The following MAP2K2 variants were observed in gnomAD, a reference collection of about 807,000 sequenced individuals.
MAP2K2 encodes the protein dual specificity mitogen-activated protein kinase kinase 2.
Under a neutral mutation model 43.7 loss-of-function variants are expected in MAP2K2, and 24 were observed. That is an observed-to-expected ratio of 0.55 (90% CI 0.40 to 0.77). The LOEUF (loss-of-function observed/expected upper bound fraction) is 0.77. Among genes scored for constraint, MAP2K2 ranks in the 30% least tolerant of loss-of-function variants. MAP2K2 has a pLI of 0.00. For synonymous variants in MAP2K2, 244 were observed against 239.7 expected (o/e 1.02, Z -0.17); for missense variants, 470 against 566.8 (o/e 0.83, Z 1.73).
chr19:4,106,011 A>T (rs777810438), intron 3 of MAP2K2, among the ~76,000 whole-genome samples: 5 of 152,200 alleles, frequency 3.3e-5, no homozygotes, highest in Non-Finnish European at 5.9e-5. Flanking sequence ...TCTCTTGCCC[A>T]GGCTGTAGAG....
chr19:4,114,601 G>A (rs2041197591), intron 2 of MAP2K2, among the ~76,000 whole-genome samples: 1 of 152,214 alleles, frequency 6.6e-6, no homozygotes, highest in African/African-American at 2.4e-5. Context: ...ATGGGAGAGG[G>A]GTCAGAGGCC....
chr19:4,110,439 G>A (rs1599300097), intron 3 of MAP2K2, 70 bp downstream of exon 3: 22 of 1,587,144 alleles, frequency 1.4e-5, no homozygotes, highest in East Asian at 2.2e-5. Context: ...CCGTGAGGGG[G>A]TCTTCCTTCT....
At chr19:4,104,265 TAA>T (rs565822542) in intron 3 of MAP2K2, among the ~76,000 whole-genome samples, 30 of 97,292 alleles carry the variant, frequency 3.1e-4, no homozygotes, top group Admixed American at 3.3e-4. Flanking sequence ...ACTCCTCAAT[TAA>T]AAAAAAAAAA....
chr19:4,090,786 TGGCAGATGGTACG>T, intron 10 of MAP2K2, 78 bp from the exon 11 acceptor site: 1 of 950,624 alleles, frequency 1.1e-6, no homozygotes, highest in Non-Finnish European at 1.7e-6. Flanking sequence ...TGCCCAGCCC[TGGCAGATGGTACG>T]GGACAGAAAG....
intron 3 of MAP2K2, among the ~76,000 whole-genome samples, chr19:4,105,660 T>C (rs1181257509): frequency 2.0e-5 from 3 of 152,124 alleles, no homozygotes; most frequent in African/African-American, 4.8e-5. Context: ...GTGTGACTTA[T>C]ATTGTTCCAG....
chr19:4,094,556 A>G, intron 9 of MAP2K2, 58 bp from the exon 10 acceptor site: 1 of 1,534,368 alleles, frequency 6.5e-7, no homozygotes, highest in African/African-American at 1.4e-5. Flanking sequence ...CAGGGCAGTC[A>G]GCTGGTGGCC....
chr19:4,113,792 G>A (rs573980509), intron 2 of MAP2K2, among the ~76,000 whole-genome samples: 32 of 152,308 alleles, frequency 2.1e-4, no homozygotes, highest in Admixed American at 1.8e-3. Flanking sequence ...TAGGAAAAGA[G>A]AGGAAAGAGC....
Position 4,101,951 on chromosome 19 carries a change from G to C in MAP2K2, c.528+425C>G. ...TACGGAGCAGCTGTGCTGGAGACCGGGCAGCAGAGACGCCCTTGGCCCCGG... is the reference window on the plus strand; with the variant it reads ...TACGGAGCAGCTGTGCTGGAGACCGCGCAGCAGAGACGCCCTTGGCCCCGG... On this transcript the variant is annotated intron_variant, in intron 4 of 10. Coordinates refer to ENST00000262948, the MANE Select transcript of MAP2K2 (RefSeq NM_030662.4). This position sits in a 1 kb window ranked among gnomAD's most constrained non-coding sequence, Gnocchi z 6.3. Among the ~76,000 whole-genome samples, 1 of 152,166 alleles carries C rather than the reference G, an allele frequency of 6.6e-6. No homozygotes were observed. Among genetic ancestry groups the C allele is most frequent in the Non-Finnish European group, 1.5e-5 (1 of 68,028 alleles).
At chr19:4,091,312 A>T (rs1416700762) in intron 10 of MAP2K2, among the ~76,000 whole-genome samples, 1 of 152,054 alleles carries the variant, frequency 6.6e-6, no homozygotes, top group Non-Finnish European at 1.5e-5. Context: ...CAAAAGCCTC[A>T]ATTTTATTTC....
chr19:4,117,210 A>G (rs906304111), intron 2 of MAP2K2, among the ~76,000 whole-genome samples: 5 of 152,186 alleles, frequency 3.3e-5, no homozygotes, highest in African/African-American at 7.2e-5. Flanking sequence ...ACTGGAGGGC[A>G]CAGCTGTGTG....
At chr19:4,094,945 T>G in intron 9 of MAP2K2, 1 of 352,306 alleles carries the variant, frequency 2.8e-6, no homozygotes, top group Non-Finnish European at 5.3e-6. Flanking sequence ...CCGCAGCTCC[T>G]TCCCCGTGGT....
intron 3 of MAP2K2, among the ~76,000 whole-genome samples, chr19:4,109,802 C>G (rs950188094): frequency 2.0e-5 from 3 of 152,102 alleles, no homozygotes; most frequent in African/African-American, 7.2e-5. Flanking sequence ...TTAATTGCAT[C>G]TACCCTGGAA....
At chr19:4,114,615 G>A (rs1021305103) in intron 2 of MAP2K2, among the ~76,000 whole-genome samples, 5 of 152,200 alleles carry the variant, frequency 3.3e-5, no homozygotes, top group Admixed American at 6.5e-5. Context: ...AGAGGCCACG[G>A]TCAAGCCAAA....
At position 4,090,504 on chromosome 19, in the gene MAP2K2, G is replaced by C. The variant is rs1162395624; in HGVS notation, c.*94C>G. 9.3e-7 allele frequency: 1 copy of C among 1,079,524 alleles called. No individual in the cohort carries two copies. Among genetic ancestry groups the C allele is most frequent in the African/African-American group, 1.6e-5 (1 of 64,034 alleles). The allele number at this position is 1,079,524 out of a possible 1,614,324, so 66.9% of individuals were successfully genotyped here. The stretch of plus-strand genomic sequence containing the variant: ...TCCGCAGGGGTGAGGCAGGAGGGTG[G>C]GTGGAGGCGCCAGCCTGTCCTCAGC... On this transcript the variant is annotated 3_prime_UTR_variant, in exon 11 of 11. Coordinates refer to ENST00000262948, the MANE Select transcript of MAP2K2 (RefSeq NM_030662.4).
In MAP2K2 at chr19:4,090,614, G is replaced by T; in HGVS notation, c.1187C>A (p.Thr396Lys). The T allele has an allele frequency of 6.4e-7, 1 of 1,552,196 alleles. No individual in the cohort carries two copies. Among genetic ancestry groups the T allele is most frequent in the South Asian group, 1.2e-5 (1 of 84,210 alleles). ...CGGCCACTGTCACACGGCGGTGCGCGTGGGTGTGCCGGGCTGGTTCAGCCG... is the reference window on the plus strand; with the variant it reads ...CGGCCACTGTCACACGGCGGTGCGCTTGGGTGTGCCGGGCTGGTTCAGCCG... The part of the protein sequence containing the change: ...TLRLNQPGTP[T>K]RTAV Residue 396 changes from threonine to lysine, a missense_variant, in exon 11 of 11, where the codon ACG becomes AAG. Thr to Lys is a moderately conservative substitution (Grantham distance 78, BLOSUM62 -1). Transcript: ENST00000262948.
Position 4,102,295 on chromosome 19 carries a change from TG to T in MAP2K2, c.528+80del. The T allele has an allele frequency of 3.2e-6, 4 of 1,241,564 alleles. No homozygotes were observed. In the South Asian group the frequency reaches 5.1e-5, roughly 16 times the overall value. 76.9% of individuals were successfully genotyped at this position (1,241,564 alleles called of 1,614,324 possible). On this transcript the variant is annotated intron_variant, in intron 4 of 10. Coordinates refer to ENST00000262948, the MANE Select transcript of MAP2K2 (RefSeq NM_030662.4). ...ACCCTAACCCCCACCACACTGTGAG[TG>T]GCTCCCGGAACCCTGGCCGTGTGGA...
At chr19:4,102,919 G>A (rs2041035381) in intron 3 of MAP2K2, 3 of 1,146,826 alleles carry the variant, frequency 2.6e-6, no homozygotes, top group South Asian at 3.8e-5. Context: ...GAGGGTGAGG[G>A]CGCGGAGGAG....
chr19:4,097,205 TAAAAAAAAAAAAAAA>T, intron 8 of MAP2K2, 59 bp downstream of exon 8: 9 of 570,542 alleles, frequency 1.6e-5, no homozygotes, highest in Non-Finnish European at 2.1e-5. Context: ...AGACTCTGCC[TAAAAAAAAAAAAAAA>T]AAAAAAAAGA....
chr19:4,109,298 C>G (rs1343144400), intron 3 of MAP2K2, among the ~76,000 whole-genome samples: 1 of 152,154 alleles, frequency 6.6e-6, no homozygotes, highest in Non-Finnish European at 1.5e-5. Context: ...AACAAGGGGG[C>G]ACGTCAGAGT....
Sources: allele counts gnomAD v4.1 joint callset (sites outside exome capture counted in the v4.1 genomes callset), GRCh38; gene constraint gnomAD v4.1.1; non-coding constraint Gnocchi (gnomAD v3.1); transcripts MANE v1.5; gene names NCBI Gene and HGNC (gene_info 2026-07-23, HGNC 2026-07-21).